The following TANC1 variants were observed in gnomAD, a reference collection of about 807,000 sequenced individuals.
The protein encoded by TANC1 is tetratricopeptide repeat, ankyrin repeat and coiled-coil containing 1, also known as protein TANC1.
In TANC1, 77 loss-of-function variants were observed where a neutral mutation model predicts 149.7. The observed-to-expected ratio is 0.51, with a 90% CI of 0.43 to 0.62. The LOEUF (loss-of-function observed/expected upper bound fraction) is 0.62. Among genes scored for constraint, TANC1 ranks in the 20% least tolerant of loss-of-function variants. The probability of loss-of-function intolerance (pLI) is 0.00; values close to 1 mark genes in which losing one functional copy is unlikely to be tolerated. For synonymous variants in TANC1, 854 were observed against 925.0 expected, an observed-to-expected ratio of 0.92 and a Z score of 1.39; for missense variants, 1,985 against 2,321.8, an observed-to-expected ratio of 0.85 and a Z score of 2.98.
intron 2 of TANC1, among the ~76,000 whole-genome samples, chr2:159,019,767 C>T (rs1237106730): frequency 1.4e-5 from 2 of 142,196 alleles, no homozygotes; most frequent in Non-Finnish European, 1.5e-5. Flanking sequence ...ACTACAGGTG[C>T]GTGCCACCAT....
intron 4 of TANC1, among the ~76,000 whole-genome samples, chr2:159,102,712 CTT>C (rs755803794): frequency 7.4e-5 from 2 of 27,112 alleles, no homozygotes; most frequent in African/African-American, 2.6e-4. Context: ...TGGATATTTG[CTT>C]TTTTTTTTTT....
rs188584314 is a variant in TANC1, at chr2:159,014,389, T to A, written c.-16+13200T>A. On this transcript the variant is annotated intron_variant, in intron 2 of 26. Coordinates refer to ENST00000263635, the MANE Select transcript of TANC1 (RefSeq NM_033394.3). ...AACAGTATGGGGGAAACTGCCCCCA[T>A]GATTCAGTTATCTCCCACTGGGTCC... Among the ~76,000 whole-genome samples the A allele has an allele frequency of 2.4e-3, 361 of 152,336 alleles. 3 individuals are homozygous for A. Among genetic ancestry groups the A allele is most frequent in the Middle Eastern group, 0.01 (3 of 294 alleles).
intron 2 of TANC1, among the ~76,000 whole-genome samples, chr2:159,010,432 A>G (rs201520688): frequency 7.2e-5 from 11 of 152,174 alleles, no homozygotes; most frequent in Admixed American, 2.0e-4. Context: ...TAAAAGAGTG[A>G]ATCAGGGAAA....
intron 18 of TANC1, among the ~76,000 whole-genome samples, chr2:159,197,525 A>T (rs10169740): frequency 6.6e-6 from 1 of 152,072 alleles, no homozygotes; most frequent in African/African-American, 2.4e-5. Context: ...TGGCTGGCTG[A>T]CTTTGGCATT....
chr2:158,992,307 G>A (rs1015220210), intron 1 of TANC1, among the ~76,000 whole-genome samples: 16 of 151,612 alleles, frequency 1.1e-4, no homozygotes, highest in Non-Finnish European at 2.2e-4. Flanking sequence ...AGAGGCTGCA[G>A]TGAGCTGTGA....
chr2:159,030,817 TGCATCCGGAG>T (rs1045912488), intron 2 of TANC1, among the ~76,000 whole-genome samples: 18 of 152,188 alleles, frequency 1.2e-4, no homozygotes, highest in African/African-American at 4.1e-4. Flanking sequence ...CATTTCCTAA[TGCATCCGGAG>T]GCACTGGGCT....
rs569984113 is a variant in TANC1 at position 159,097,463 on chromosome 2, C to G, written c.62-174C>G. Among the ~76,000 whole-genome samples the G allele has an allele frequency of 3.9e-5, 6 of 152,196 alleles. No individual in the cohort carries two copies. In the East Asian group the frequency reaches 1.2e-3, roughly 29 times the overall value. On this transcript the variant is annotated intron_variant, in intron 3 of 26. Transcript: ENST00000263635. ...CAGAGTTCACTGATGCTTGAGTTTT[C>G]CCTCACAGGGTAAAAAGTTTCAAGA... is the stretch of plus-strand genomic sequence containing the variant.
intron 19 of TANC1, among the ~76,000 whole-genome samples, chr2:159,206,127 T>A (rs182865028): frequency 6.6e-6 from 1 of 152,316 alleles, no homozygotes; most frequent in East Asian, 1.9e-4. Context: ...AGTAAGCCAG[T>A]ACCCTCAAGG....
Position 159,174,943 on chromosome 2 carries a change from T to C in TANC1, c.1504-10T>C. 6.2e-7 allele frequency: 1 copy of C among 1,611,498 alleles called. No homozygotes were observed. Among genetic ancestry groups the C allele is most frequent in the South Asian group, 1.1e-5 (1 of 91,048 alleles). On this transcript the variant is annotated splice_polypyrimidine_tract_variant and intron_variant, in intron 11 of 26. Coordinates refer to ENST00000263635, the MANE Select transcript of TANC1 (RefSeq NM_033394.3). ...GGTGAGGTGATGCTGACGGTTCTGC[T>C]TCCCCCTAGGTGGTGGCCTACCACT...
At chr2:159,102,707 ATTTGCTTTTT>A (rs2046845983) in intron 4 of TANC1, among the ~76,000 whole-genome samples, 1 of 43,586 alleles carries the variant, frequency 2.3e-5, no homozygotes, top group African/African-American at 7.4e-5. Flanking sequence ...ATTGTTGGAT[ATTTGCTTTTT>A]TTTTTTTTTT....
At chr2:159,171,876 G>GAAAAA (rs1305567801) in intron 10 of TANC1, among the ~76,000 whole-genome samples, 1 of 76,506 alleles carries the variant, frequency 1.3e-5, no homozygotes, top group African/African-American at 7.1e-5. Flanking sequence ...AAAAAAAAAA[G>GAAAAA]AAAAAGAAAA....
intron 1 of TANC1, among the ~76,000 whole-genome samples, chr2:158,976,683 C>A (rs1454339137): frequency 6.6e-6 from 1 of 152,148 alleles, no homozygotes; most frequent in African/African-American, 2.4e-5. Context: ...GAGTTTAAGA[C>A]CAGCCTGGCC....
chr2:159,152,718 A>G (rs996388652), intron 7 of TANC1, among the ~76,000 whole-genome samples: 1 of 152,176 alleles, frequency 6.6e-6, no homozygotes, highest in Non-Finnish European at 1.5e-5. Flanking sequence ...TTGTGGCCTC[A>G]AGAATTCCTC....
intron 2 of TANC1, among the ~76,000 whole-genome samples, chr2:159,031,707 A>G (rs898907324): frequency 1.3e-5 from 2 of 152,234 alleles, no homozygotes; most frequent in Non-Finnish European, 2.9e-5. Flanking sequence ...GAAAAAAGAA[A>G]TAAATATGAA....
In TANC1 at chr2:159,163,340, A is replaced by G. The variant is rs749162665; in HGVS notation, c.740A>G (p.Asn247Ser). The G allele has an allele frequency of 1.2e-6, 2 of 1,614,228 alleles. No individual in the cohort carries two copies. The highest frequency in any genetic ancestry group is 1.6e-4 in the Middle Eastern group (1 of 6,062). Reference protein sequence around the residue: ...DDRSGSSLEWNKDGNLRLGVQ... With the variant: ...DDRSGSSLEWSKDGNLRLGVQ... Reference sequence around the variant, plus strand: ...CGGAGTGGCTCCAGTTTGGAATGGAATAAAGATGGAAACCTAAGATTAGGG... The same window carrying G: ...CGGAGTGGCTCCAGTTTGGAATGGAGTAAAGATGGAAACCTAAGATTAGGG... Residue 247 changes from asparagine to serine, a missense_variant, in exon 8 of 27, where the codon AAT becomes AGT. By Grantham distance (46) the Asn-to-Ser change is conservative. Around this residue, in one of 3 missense-constraint regions of TANC1, gnomAD observed 557 missense variants for 612.9 expected, o/e 0.91. Coordinates refer to ENST00000263635, the MANE Select transcript of TANC1 (RefSeq NM_033394.3).
At chr2:159,111,781 C>T (rs879467108) in intron 4 of TANC1, among the ~76,000 whole-genome samples, 12 of 152,150 alleles carry the variant, frequency 7.9e-5, no homozygotes, top group Admixed American at 3.3e-4. Context: ...CAGATGGAGG[C>T]GTCCTCTGAG....
chr2:159,058,125 T>C (rs1210296091), intron 2 of TANC1, among the ~76,000 whole-genome samples: 1 of 152,226 alleles, frequency 6.6e-6, no homozygotes, highest in Non-Finnish European at 1.5e-5. Flanking sequence ...TTGCTGGAAA[T>C]GCTGCCCTTT....
chr2:159,224,072 CCTCTT>C (rs1382760741), intron 22 of TANC1, among the ~76,000 whole-genome samples, 155 bp from the exon 23 acceptor site: 2 of 152,192 alleles, frequency 1.3e-5, no homozygotes, highest in African/African-American at 4.8e-5. Context: ...GATTGCAGCT[CCTCTT>C]CTCTGTTTCG....
At chr2:159,172,739 A>G (rs1234199904) in intron 11 of TANC1, among the ~76,000 whole-genome samples, 1 of 152,142 alleles carries the variant, frequency 6.6e-6, no homozygotes, top group Non-Finnish European at 1.5e-5. Context: ...TAAATTTGTG[A>G]TCATCAAGGT....
Sources: gnomAD v4.1 joint callset for allele counts (sites outside exome capture counted in the v4.1 genomes callset) on GRCh38, gnomAD v4.1.1 for gene constraint, gnomAD v4.1.1 regional missense constraint, MANE v1.5 for transcripts, NCBI Gene and HGNC (gene_info 2026-07-23, HGNC 2026-07-21) for gene names.